The following FAM169A variants were observed in gnomAD, a reference collection of about 807,000 sequenced individuals.
The protein encoded by FAM169A is soluble lamin-associated protein of 75 kDa.
A neutral mutation model predicts 75.7 loss-of-function variants in FAM169A; 24 were observed. That is an observed-to-expected ratio of 0.32 (90% confidence interval 0.23 to 0.45). FAM169A has a LOEUF of 0.45. Among genes scored for constraint, FAM169A ranks in the 20% least tolerant of loss-of-function variants. The pLI, the probability that FAM169A is intolerant of heterozygous loss-of-function variation, is 1.00. For synonymous variants in FAM169A, 271 were observed against 271.0 expected (o/e 1.00, Z 0.00); for missense variants, 673 against 784.0 (o/e 0.86, Z 1.69).
chr5:74,805,329 T>C (rs1478907818), intron 6 of FAM169A, 45 bp from the exon 7 acceptor site: 6 of 1,593,318 alleles, frequency 3.8e-6, no homozygotes, highest in Non-Finnish European at 5.1e-6. Flanking sequence ...AAATATCCAC[T>C]GTTTTGAAAA....
intron 1 of FAM169A, chr5:74,865,526 G>C (rs1008227825): frequency 4.6e-5 from 7 of 152,332 alleles, no homozygotes; most frequent in African/African-American, 1.7e-4. Context: ...AAACCACCCA[G>C]GGTTCAAGGC....
chr5:74,813,280 T>C (rs1747302029), intron 6 of FAM169A, among the ~76,000 whole-genome samples: 1 of 152,124 alleles, frequency 6.6e-6, no homozygotes, highest in Admixed American at 6.6e-5. Flanking sequence ...CACTGAATTG[T>C]ACACTTTTAA....
chr5:74,858,386 TCAAAAAAA>T (rs1277763828), intron 1 of FAM169A, among the ~76,000 whole-genome samples: 5 of 152,000 alleles, frequency 3.3e-5, no homozygotes, highest in South Asian at 2.1e-4. Context: ...AGACTCCATC[TCAAAAAAA>T]CAAAAAAACA....
At chr5:74,806,359 C>G (rs1746883108) in intron 6 of FAM169A, among the ~76,000 whole-genome samples, 1 of 152,076 alleles carries the variant, frequency 6.6e-6, no homozygotes, top group East Asian at 1.9e-4. Context: ...TATAAAAAAG[C>G]AATAAAGTCA....
Position 74,834,043 on chromosome 5 carries a change from C to T in FAM169A, c.490+383G>A, listed in dbSNP as rs140146983. 3.3e-5 allele frequency among the ~76,000 whole-genome samples: 5 copies of T among 152,208 alleles called. No individual in the cohort carries two copies. In the East Asian group the frequency reaches 7.7e-4, roughly 24 times the overall value. Reference sequence around the variant, plus strand: ...GTGTGCTATGCATAAACAGGCTATGCATTTGGGCCACAGGTAGACTGGGGT... The same window carrying T: ...GTGTGCTATGCATAAACAGGCTATGTATTTGGGCCACAGGTAGACTGGGGT... On this transcript the variant is annotated intron_variant, in intron 5 of 12. Transcript: ENST00000687041.
chr5:74,820,151 C>T (rs1029382844), intron 5 of FAM169A, among the ~76,000 whole-genome samples: 1 of 151,894 alleles, frequency 6.6e-6, no homozygotes, highest in African/African-American at 2.4e-5. Context: ...TGCAGCACCA[C>T]ACACAGTTAA....
chr5:74,813,494 T>C (rs1441398689), intron 6 of FAM169A, among the ~76,000 whole-genome samples: 2 of 152,020 alleles, frequency 1.3e-5, no homozygotes, highest in African/African-American at 4.8e-5. Context: ...GCCCAGTTAA[T>C]TGTTTATTTT....
intron 5 of FAM169A, among the ~76,000 whole-genome samples, chr5:74,828,988 G>T (rs1013605380): frequency 3.3e-5 from 5 of 152,172 alleles, no homozygotes; most frequent in Admixed American, 3.3e-4. Flanking sequence ...AAGTTTGCAA[G>T]AGTACATGTA....
intron 11 of FAM169A, among the ~76,000 whole-genome samples, chr5:74,790,653 CCT>C (rs1487162699): frequency 1.3e-5 from 2 of 152,152 alleles, no homozygotes; most frequent in African/African-American, 2.4e-5. Flanking sequence ...CCCAGCCGCC[CCT>C]GTCATCACCC....
At chr5:74,846,543 G>T (rs570770279) in intron 1 of FAM169A, among the ~76,000 whole-genome samples, 1 of 152,014 alleles carries the variant, frequency 6.6e-6, no homozygotes, top group South Asian at 2.1e-4. Context: ...TTCTAAATAC[G>T]CACGTTATTT....
At chr5:74,832,245 AC>A (rs979767812) in intron 5 of FAM169A, among the ~76,000 whole-genome samples, 1 of 152,062 alleles carries the variant, frequency 6.6e-6, no homozygotes, top group African/African-American at 2.4e-5. Context: ...GTAGAAAAAA[AC>A]AACCAAAAAA....
chr5:74,820,205 AG>A lies in FAM169A; in HGVS notation c.491-6187del, dbSNP rs543215175. Reference sequence around the variant, plus strand: ...GAGATGGGGTTTCACTGTGTTGGCCAGGCTGGCCTCAAACTCCTAACCTCAG... The same window carrying A: ...GAGATGGGGTTTCACTGTGTTGGCCAGCTGGCCTCAAACTCCTAACCTCAG... On this transcript the variant is annotated intron_variant, in intron 5 of 12. Coordinates refer to ENST00000687041, the MANE Select transcript of FAM169A (RefSeq NM_001376049.1). 3.9e-4 allele frequency among the ~76,000 whole-genome samples: 60 copies of A among 152,156 alleles called. 1 individual carries two copies. In the South Asian group the frequency reaches 0.012, roughly 30 times the overall value.
intron 1 of FAM169A, among the ~76,000 whole-genome samples, chr5:74,851,398 A>C (rs1749438375): frequency 6.6e-6 from 1 of 152,220 alleles, no homozygotes; most frequent in South Asian, 2.1e-4. Context: ...ATAAGGCTGA[A>C]ATGAAACTCA....
chr5:74,800,535 G>A (rs1580095383), intron 10 of FAM169A, among the ~76,000 whole-genome samples: 1 of 152,050 alleles, frequency 6.6e-6, no homozygotes, highest in African/African-American at 2.4e-5. Flanking sequence ...CATGAAGTGA[G>A]TTTATGCCAG....
chr5:74,844,244 C>A (rs1176830632), intron 1 of FAM169A, among the ~76,000 whole-genome samples: 1 of 152,010 alleles, frequency 6.6e-6, no homozygotes. Context: ...ATGTAGATCA[C>A]TTGAGCTCAG....
At chr5:74,849,374 T>C (rs1383293616) in intron 1 of FAM169A, among the ~76,000 whole-genome samples, 1 of 152,164 alleles carries the variant, frequency 6.6e-6, no homozygotes, top group Non-Finnish European at 1.5e-5. Flanking sequence ...TGGGAACATA[T>C]TCTACATGTT....
At chr5:74,806,361 A>T (rs911233531) in intron 6 of FAM169A, among the ~76,000 whole-genome samples, 1 of 152,230 alleles carries the variant, frequency 6.6e-6, no homozygotes, top group East Asian at 1.9e-4. Flanking sequence ...TAAAAAAGCA[A>T]TAAAGTCAGA....
chr5:74,803,365 G>GA (rs894201231), intron 8 of FAM169A, among the ~76,000 whole-genome samples: 14 of 150,562 alleles, frequency 9.3e-5, no homozygotes, highest in South Asian at 4.2e-4. Flanking sequence ...CCAAAAGTAG[G>GA]AAAAAAAAAT....
At chr5:74,824,730 TAC>T (rs1015869102) in intron 5 of FAM169A, among the ~76,000 whole-genome samples, 1 of 145,482 alleles carries the variant, frequency 6.9e-6, no homozygotes, top group Non-Finnish European at 1.5e-5. Flanking sequence ...CACACACACA[TAC>T]ACACACACAA....
Sources: gnomAD v4.1 joint callset for allele counts (sites outside exome capture counted in the v4.1 genomes callset) on GRCh38, gnomAD v4.1.1 for gene constraint, MANE v1.5 for transcripts, NCBI Gene and HGNC (gene_info 2026-07-23, HGNC 2026-07-21) for gene names.